The following OMA1 variants were observed in gnomAD, a reference collection of about 807,000 sequenced individuals.
The protein encoded by OMA1 is OMA1 zinc metallopeptidase.
OMA1 carries 38 observed loss-of-function variants against 30.9 expected under a neutral mutation model. The ratio of observed to expected loss-of-function variants is 1.23; its 90% CI spans 0.95 to 1.61. OMA1 has a LOEUF of 1.61. Among genes scored for constraint, OMA1 ranks in the 40% most tolerant of loss-of-function variants. OMA1 has a pLI of 0.00. For synonymous variants in OMA1, 173 were observed against 121.9 expected (o/e 1.42, Z -2.76); for missense variants, 461 against 349.2 (o/e 1.32, Z -2.55).
At chr1:58,544,929 C>T (rs1187619555) in intron 1 of OMA1, among the ~76,000 whole-genome samples, 2 of 152,074 alleles carry the variant, frequency 1.3e-5, no homozygotes, top group Non-Finnish European at 2.9e-5. Flanking sequence ...TCTGTAGACA[C>T]GGTGTGTCAC....
chr1:58,531,785 C>T (rs1246073797), intron 5 of OMA1, among the ~76,000 whole-genome samples: 1 of 152,068 alleles, frequency 6.6e-6, no homozygotes, highest in Non-Finnish European at 1.5e-5. Flanking sequence ...TCTCGACTCA[C>T]TGCAACCTCC....
intron 7 of OMA1, among the ~76,000 whole-genome samples, chr1:58,510,977 A>G (rs529158843): frequency 1.3e-5 from 2 of 152,204 alleles, no homozygotes; most frequent in African/African-American, 2.4e-5. Context: ...AATTAAAGAC[A>G]ACTCAAATAA....
chr1:58,497,891 G>A (rs1037568004), intron 8 of OMA1, among the ~76,000 whole-genome samples: 82 of 152,208 alleles, frequency 5.4e-4, no homozygotes, highest in Admixed American at 2.5e-3. Context: ...CCACCTCTTG[G>A]AGAATTATTC....
intron 1 of OMA1, among the ~76,000 whole-genome samples, chr1:58,544,782 C>T (rs1646675000): frequency 6.6e-6 from 1 of 152,120 alleles, no homozygotes; most frequent in African/African-American, 2.4e-5. Context: ...TTAGTAGAGA[C>T]GGGGTTTCGG....
rs1645468830 is a variant in OMA1, at chr1:58,480,893, T to A, written c.*72A>T. 5.4e-6 allele frequency: 4 copies of A among 740,554 alleles called. No homozygotes were observed. In the Admixed American group the frequency reaches 9.7e-5, roughly 18 times the overall value. 45.9% of individuals were successfully genotyped at this position (740,554 alleles called of 1,614,324 possible). A position where few individuals can be genotyped will look rare whatever the true frequency, so the allele number is the denominator to read the frequency against. On this transcript the variant is annotated 3_prime_UTR_variant, in exon 9 of 9. Transcript: ENST00000371226. ...TTTTTTTTTTCACTTCAAACATCAT[T>A]TTTTAAAAAGTAACATAAAATGATA...
chr1:58,529,143 T>C (rs1646395222), intron 6 of OMA1, among the ~76,000 whole-genome samples: 1 of 152,200 alleles, frequency 6.6e-6, no homozygotes, highest in Non-Finnish European at 1.5e-5. Context: ...TTTAAGAACC[T>C]TTACTTCAAT....
intron 8 of OMA1, among the ~76,000 whole-genome samples, chr1:58,501,813 G>A (rs908400161): frequency 2.0e-5 from 3 of 152,092 alleles, no homozygotes; most frequent in Non-Finnish European, 4.4e-5. Flanking sequence ...TTGGAAATAA[G>A]GCCTAAAAGG....
chr1:58,510,276 C>T (rs911421939), intron 7 of OMA1, among the ~76,000 whole-genome samples: 14 of 152,050 alleles, frequency 9.2e-5, no homozygotes, highest in Admixed American at 7.9e-4. Context: ...AAAAGGATCA[C>T]ACCTCATGAC....
At chr1:58,543,607 T>A (rs12142098) in intron 1 of OMA1, among the ~76,000 whole-genome samples, 1 of 151,972 alleles carries the variant, frequency 6.6e-6, no homozygotes, top group African/African-American at 2.4e-5. Flanking sequence ...ATGCAAACCC[T>A]GGCAACAGAA....
At chr1:58,527,052 C>T (rs1250853112) in intron 7 of OMA1, among the ~76,000 whole-genome samples, 1 of 152,048 alleles carries the variant, frequency 6.6e-6, no homozygotes, top group African/African-American at 2.4e-5. Flanking sequence ...CATAATACAG[C>T]TTCAAATATA....
rs144686656 is a variant in OMA1, at chr1:58,536,349, T to C, written c.729+164A>G. ...ATGCTAGGAAAAGCAATGTAGGCAG[T>C]AGGAATACTAAGTGTGAAAGGTCTG... On this transcript the variant is annotated intron_variant, in intron 3 of 8. Transcript: ENST00000371226. Among the ~76,000 whole-genome samples the C allele has an allele frequency of 3.1e-3, 479 of 152,182 alleles. 1 individual carries two copies. Among genetic ancestry groups the C allele is most frequent in the African/African-American group, 0.011 (455 of 41,520 alleles).
At chr1:58,541,989 G>A (rs905295640) in intron 1 of OMA1, among the ~76,000 whole-genome samples, 7 of 152,108 alleles carry the variant, frequency 4.6e-5, no homozygotes, top group African/African-American at 1.7e-4. Context: ...AAGCTAATAC[G>A]ATATTATCTA....
At chr1:58,533,867 C>A in intron 5 of OMA1, 86 bp downstream of exon 5, 1 of 772,392 alleles carries the variant, frequency 1.3e-6, no homozygotes, top group South Asian at 1.5e-5. Context: ...TTTAAAAAAC[C>A]TGAAAAAAAT....
At chr1:58,528,728 A>C (rs1646388773) in intron 6 of OMA1, among the ~76,000 whole-genome samples, 1 of 152,182 alleles carries the variant, frequency 6.6e-6, no homozygotes, top group Non-Finnish European at 1.5e-5. Flanking sequence ...ACAACAGATG[A>C]ACCTCAGCAA....
At chr1:58,544,136 T>C (rs1557462184) in intron 1 of OMA1, among the ~76,000 whole-genome samples, 1 of 152,234 alleles carries the variant, frequency 6.6e-6, no homozygotes, top group Non-Finnish European at 1.5e-5. Flanking sequence ...AACTTTTAAG[T>C]AAAGCCAGAA....
At chr1:58,503,235 T>C (rs1645935198) in intron 8 of OMA1, among the ~76,000 whole-genome samples, 1 of 152,178 alleles carries the variant, frequency 6.6e-6, no homozygotes, top group East Asian at 1.9e-4. Context: ...TTATCATTGC[T>C]TTAGAGACAG....
At chr1:58,541,519 G>C (rs1484680139) in intron 1 of OMA1, 2 of 147,506 alleles carry the variant, frequency 1.4e-5, no homozygotes, top group Non-Finnish European at 3.0e-5. Context: ...GGGAGGCTGA[G>C]GCAGGAGAAT....
At chr1:58,500,693 C>A (rs1645892370) in intron 8 of OMA1, among the ~76,000 whole-genome samples, 1 of 152,082 alleles carries the variant, frequency 6.6e-6, no homozygotes, top group African/African-American at 2.4e-5. Context: ...TAACCATAAA[C>A]AATGAGTAAG....
At chr1:58,507,150 GGATT>G (rs547648110) in intron 7 of OMA1, among the ~76,000 whole-genome samples, 305 of 151,588 alleles carry the variant, frequency 2.0e-3, no homozygotes, top group African/African-American at 6.9e-3. Context: ...TCCATAAGGT[GGATT>G]ATTAACAAAT....
Sources: gnomAD v4.1 joint callset for allele counts (sites outside exome capture counted in the v4.1 genomes callset) on GRCh38, gnomAD v4.1.1 for gene constraint, MANE v1.5 for transcripts, NCBI Gene and HGNC (gene_info 2026-07-23, HGNC 2026-07-21) for gene names.